The following CLSTN2 variants were observed in gnomAD, a reference collection of about 807,000 sequenced individuals.
The protein encoded by CLSTN2 is calsyntenin-2.
CLSTN2 carries 48 observed loss-of-function variants against 101.2 expected under a neutral mutation model. That is an observed-to-expected ratio of 0.47 (90% confidence interval 0.38 to 0.60). The LOEUF (loss-of-function observed/expected upper bound fraction) is 0.60, where lower values mean the gene tolerates loss of function less well. CLSTN2 is among the 20% of genes least tolerant of loss of function. The pLI, the probability that CLSTN2 is intolerant of heterozygous loss-of-function variation, is 0.00. For missense variants in CLSTN2, 1,160 were observed against 1,238.2 expected (o/e 0.94, Z 0.95); for synonymous variants, 481 against 463.6 (o/e 1.04, Z -0.48).
intron 1 of CLSTN2, among the ~76,000 whole-genome samples, chr3:140,073,746 G>A (rs1004244350): frequency 3.9e-5 from 6 of 152,170 alleles, no homozygotes; most frequent in Non-Finnish European, 7.3e-5. Flanking sequence ...ATGTTTTCAC[G>A]CACTTCCCTG....
rs2010780163 is a variant in CLSTN2, at chr3:140,206,202, T to C, written c.232+30129T>C. ...GTTGGGAGGGTGTATTATCTGGCAC[T>C]GGAGTCAAGGGAGTTAAGAGAGGCA... On this transcript the variant is annotated intron_variant, in intron 2 of 16. Coordinates refer to ENST00000458420, the MANE Select transcript of CLSTN2 (RefSeq NM_022131.3). Among the ~76,000 whole-genome samples, 4 of 152,194 alleles carry C rather than the reference T, an allele frequency of 2.6e-5. No homozygotes were observed. The South Asian group carries it at 8.3e-4, about 32-fold the overall frequency.
chr3:140,014,661 G>A (rs2007160210), intron 1 of CLSTN2, among the ~76,000 whole-genome samples: 2 of 152,108 alleles, frequency 1.3e-5, no homozygotes, highest in Non-Finnish European at 1.5e-5. Context: ...TCCACAGTAG[G>A]GCCTGTGCCC....
At chr3:140,015,755 T>C (rs958272806) in intron 1 of CLSTN2, among the ~76,000 whole-genome samples, 1 of 152,262 alleles carries the variant, frequency 6.6e-6, no homozygotes, top group African/African-American at 2.4e-5. Flanking sequence ...ATCAGGCCTG[T>C]CTGCCTAGAG....
intron 2 of CLSTN2, among the ~76,000 whole-genome samples, chr3:140,242,143 C>T (rs2086475475): frequency 6.6e-6 from 1 of 152,042 alleles, no homozygotes; most frequent in African/African-American, 2.4e-5. Context: ...AATTCCTGAC[C>T]TCAGGTAATC....
chr3:140,554,377 G>T (rs2107790312), intron 10 of CLSTN2, among the ~76,000 whole-genome samples: 1 of 152,272 alleles, frequency 6.6e-6, no homozygotes, highest in East Asian at 1.9e-4. Context: ...TCAGGGAAAA[G>T]TTAATATACA....
At chr3:140,017,135 G>A (rs762680954) in intron 1 of CLSTN2, among the ~76,000 whole-genome samples, 1 of 152,138 alleles carries the variant, frequency 6.6e-6, no homozygotes, top group Non-Finnish European at 1.5e-5. Flanking sequence ...TGTGTGGCTC[G>A]CTGTGGATCT....
At chr3:140,067,871 G>A (rs1392994916) in intron 1 of CLSTN2, among the ~76,000 whole-genome samples, 1 of 152,204 alleles carries the variant, frequency 6.6e-6, no homozygotes, top group Non-Finnish European at 1.5e-5. Flanking sequence ...CTAAAAAAAA[G>A]TAGTAATGTG....
intron 1 of CLSTN2, among the ~76,000 whole-genome samples, chr3:140,017,023 G>A (rs115264985): frequency 0.01 from 1,557 of 152,238 alleles, 25 homozygotes; most frequent in African/African-American, 0.034. Flanking sequence ...TCAACTGTAG[G>A]CTAGAATTGA....
intron 2 of CLSTN2, among the ~76,000 whole-genome samples, chr3:140,201,882 A>T (rs2010721985): frequency 6.6e-6 from 1 of 152,144 alleles, no homozygotes; most frequent in Non-Finnish European, 1.5e-5. Context: ...AGGAAAAAAA[A>T]CCTGAAAACA....
chr3:140,373,368 G>A (rs2087879864), intron 2 of CLSTN2, among the ~76,000 whole-genome samples: 1 of 152,174 alleles, frequency 6.6e-6, no homozygotes, highest in African/African-American at 2.4e-5. Context: ...TGCTCCTTGA[G>A]TAACCACCAA....
chr3:140,165,259 A>G (rs1263441579), intron 1 of CLSTN2, among the ~76,000 whole-genome samples: 1 of 152,108 alleles, frequency 6.6e-6, no homozygotes, highest in Admixed American at 6.5e-5. Context: ...TGCCCTTTCT[A>G]TTTGCGTGAT....
chr3:140,432,961 T>C (rs1183348104), intron 5 of CLSTN2, among the ~76,000 whole-genome samples: 2 of 152,228 alleles, frequency 1.3e-5, no homozygotes, highest in Non-Finnish European at 2.9e-5. Context: ...AAAACTGTTA[T>C]TTTCCCATTT....
intron 2 of CLSTN2, among the ~76,000 whole-genome samples, chr3:140,177,196 G>C (rs780222553): frequency 6.6e-6 from 1 of 152,188 alleles, no homozygotes; most frequent in African/African-American, 2.4e-5. Flanking sequence ...AAGGGTACCT[G>C]TGACTTCCGT....
intron 2 of CLSTN2, among the ~76,000 whole-genome samples, chr3:140,284,748 G>A (rs1422218974): frequency 6.6e-6 from 1 of 152,066 alleles, no homozygotes; most frequent in African/African-American, 2.4e-5. Flanking sequence ...TCTGTCAAAA[G>A]CCTGCATTTG....
At chr3:140,345,210 A>G (rs989933725) in intron 2 of CLSTN2, among the ~76,000 whole-genome samples, 2 of 151,376 alleles carry the variant, frequency 1.3e-5, no homozygotes, top group African/African-American at 4.9e-5. Context: ...GGGGGATCCA[A>G]GATCCAAGAC....
At chr3:140,173,884 T>G (rs1302310713) in intron 1 of CLSTN2, among the ~76,000 whole-genome samples, 2 of 152,146 alleles carry the variant, frequency 1.3e-5, no homozygotes, top group Non-Finnish European at 2.9e-5. Flanking sequence ...ATGTTTTTCC[T>G]TCTAGGCCTC....
chr3:140,075,015 C>T (rs765230654), intron 1 of CLSTN2, among the ~76,000 whole-genome samples: 1 of 152,142 alleles, frequency 6.6e-6, no homozygotes, highest in Non-Finnish European at 1.5e-5. Context: ...AAGGCTTTAC[C>T]TCTGGAAGCA....
intron 8 of CLSTN2, among the ~76,000 whole-genome samples, chr3:140,513,715 A>G (rs373963878): frequency 1.1e-4 from 17 of 151,536 alleles, no homozygotes; most frequent in African/African-American, 4.1e-4. Flanking sequence ...GAATGGTACC[A>G]GCTCTTCTTT....
Position 140,329,212 on chromosome 3 carries a change from C to A in CLSTN2, c.233-74417C>A, listed in dbSNP as rs184979475. ...GACCAGCCTGGCCAACATGGCAAAA[C>A]CCCATCTCTACTGAAAATACAAAAA... On this transcript the variant is annotated intron_variant, in intron 2 of 16. Transcript: ENST00000458420. Among the ~76,000 whole-genome samples the A allele has an allele frequency of 5.8e-4, 89 of 152,148 alleles. 1 individual carries two copies. The highest frequency in any genetic ancestry group is 2.0e-3 in the African/African-American group (85 of 41,502).
Sources: gnomAD v4.1 joint callset for allele counts (sites outside exome capture counted in the v4.1 genomes callset) on GRCh38, gnomAD v4.1.1 for gene constraint, MANE v1.5 for transcripts, NCBI Gene and HGNC (gene_info 2026-07-23, HGNC 2026-07-21) for gene names.